Variants in RHOT1 observed in about 807,000 individuals in gnomAD.
RHOT1 encodes mitochondrial Rho GTPase 1.
A neutral mutation model predicts 95.3 loss-of-function variants in RHOT1; 27 were observed. The ratio of observed to expected loss-of-function variants is 0.28; its 90% CI spans 0.21 to 0.39. RHOT1 has a LOEUF of 0.39. Among genes scored for constraint, RHOT1 ranks in the 10% least tolerant of loss-of-function variants. RHOT1 has a pLI of 1.00. For missense variants in RHOT1, 578 were observed against 786.7 expected (o/e 0.73, Z 3.17); for synonymous variants, 227 against 263.5 (o/e 0.86, Z 1.34).
chr17:32,142,830 C>T, intron 1 of RHOT1, 101 bp downstream of exon 1: 3 of 1,011,134 alleles, frequency 3.0e-6, no homozygotes, highest in Non-Finnish European at 4.4e-6. Flanking sequence ...TTTGCAGCCC[C>T]GGCCCTTCTC....
At chr17:32,197,038 G>A (rs535614681) in intron 11 of RHOT1, among the ~76,000 whole-genome samples, 13 of 151,316 alleles carry the variant, frequency 8.6e-5, no homozygotes, top group South Asian at 8.4e-4. Flanking sequence ...CAGGAGAATC[G>A]CTTGAACCTG....
chr17:32,163,404 T>A (rs115039359), intron 1 of RHOT1, among the ~76,000 whole-genome samples: 1,854 of 152,328 alleles, frequency 0.012, 33 homozygotes, highest in African/African-American at 0.042. Flanking sequence ...GGTACATTTT[T>A]AAAATTTTTC....
At chr17:32,194,219 C>T in intron 11 of RHOT1, 112 bp downstream of exon 11, 2 of 1,058,392 alleles carry the variant, frequency 1.9e-6, no homozygotes, top group South Asian at 3.1e-5. Context: ...GATCCTCCCA[C>T]CTTGGCCTCC....
At chr17:32,173,532 G>T (rs2034743552) in intron 2 of RHOT1, among the ~76,000 whole-genome samples, 1 of 152,006 alleles carries the variant, frequency 6.6e-6, no homozygotes, top group African/African-American at 2.4e-5. Context: ...GGCCAAGATG[G>T]TGAAATCGTG....
chr17:32,212,888 A>T (rs926133068), intron 19 of RHOT1, among the ~76,000 whole-genome samples: 1 of 152,102 alleles, frequency 6.6e-6, no homozygotes, highest in African/African-American at 2.4e-5. Context: ...TAGTGAACTT[A>T]TCATTCCTGG....
Position 32,194,088 on chromosome 17 carries a change from C to T in RHOT1, c.850C>T (p.Pro284Ser), listed in dbSNP as rs1333696049. The change falls in exon 11 of 20, where the codon CCT becomes TCT. Residue 284 changes from proline to serine, a missense_variant. Around this residue, in one of 4 missense-constraint regions of RHOT1, gnomAD observed 227 missense variants for 316.0 expected, o/e 0.72. Coordinates refer to ENST00000545287, the MANE Select transcript of RHOT1 (RefSeq NM_001033566.3). ...TTATGATGATGACCTGGATTTGACA[C>T]CTGAATATTTGTTCCCCCTGTATGT... ...FGYDDDLDLT[P>S]EYLFPLLKIP... 4 of 1,613,978 alleles carry T rather than the reference C, an allele frequency of 2.5e-6. No homozygotes were observed. The highest frequency in any genetic ancestry group is 3.4e-6 in the Non-Finnish European group (4 of 1,179,964).
At chr17:32,206,224 A>C (rs1322024625) in intron 16 of RHOT1, among the ~76,000 whole-genome samples, 1 of 23,018 alleles carries the variant, frequency 4.3e-5, no homozygotes, top group African/African-American at 2.1e-4. Flanking sequence ...TTTTTTTTTG[A>C]GACAAGGTTT....
In RHOT1 at chr17:32,171,117, T is replaced by G; in HGVS notation, c.96+16T>G. On this transcript the variant is annotated intron_variant, in intron 2 of 19. Transcript: ENST00000545287. Reference sequence around the variant, plus strand: ...TCCAGAAGAGGTAAACATTTTGATTTCCATATTTAAATTTTAAAAAATTTA... The same window carrying G: ...TCCAGAAGAGGTAAACATTTTGATTGCCATATTTAAATTTTAAAAAATTTA... 2.0e-6 allele frequency: 3 copies of G among 1,534,904 alleles called. No individual in the cohort carries two copies. Among genetic ancestry groups the G allele is most frequent in the Non-Finnish European group, 2.7e-6 (3 of 1,121,854 alleles).
intron 19 of RHOT1, 90 bp downstream of exon 19, chr17:32,211,328 C>A: frequency 8.3e-7 from 1 of 1,208,782 alleles, no homozygotes; most frequent in Non-Finnish European, 1.1e-6. Flanking sequence ...ATACTCACTA[C>A]AAAGACAAGC....
rs116395218 is a variant in RHOT1, at chr17:32,211,142, C to T, written c.1766C>T (p.Thr589Ile). Residue 589 changes from threonine (T) to isoleucine (I), a missense_variant, in exon 19 of 20, where the codon ACC (threonine) becomes ATC (isoleucine). This residue lies in a region of RHOT1 where 296 missense variants were observed against 338.5 expected (regional missense o/e 0.87). Coordinates refer to ENST00000545287, the MANE Select transcript of RHOT1 (RefSeq NM_001033566.3). The part of the protein sequence containing the change: ...YPHARLRCMC[T>I]CNRCTFCICQ... ...CATGCCCGGTTACGCTGTATGTGCA[C>T]CTGCAACAGGTGTACATTTTGCATC... The T allele has an allele frequency of 5.8e-5, 94 of 1,610,434 alleles. No homozygotes were observed. The highest frequency in any genetic ancestry group is 7.0e-5 in the Non-Finnish European group (82 of 1,177,358).
intron 1 of RHOT1, among the ~76,000 whole-genome samples, chr17:32,148,081 C>T (rs1387417191): frequency 6.6e-5 from 10 of 152,196 alleles, no homozygotes; most frequent in Middle Eastern, 3.4e-3. Flanking sequence ...CTGGCTAACA[C>T]GGTGAAACCT....
intron 13 of RHOT1, among the ~76,000 whole-genome samples, chr17:32,200,734 A>T: frequency 6.6e-6 from 1 of 151,670 alleles, no homozygotes; most frequent in Admixed American, 6.6e-5. Context: ...TGTTTGTGCC[A>T]TTGCACTCTA....
chr17:32,174,716 C>T (rs1419209287), intron 3 of RHOT1, among the ~76,000 whole-genome samples: 2 of 152,104 alleles, frequency 1.3e-5, no homozygotes, highest in African/African-American at 4.8e-5. Flanking sequence ...AATCAGTATG[C>T]CAGTAATTGC....
intron 11 of RHOT1, among the ~76,000 whole-genome samples, chr17:32,195,104 C>T (rs558482490): frequency 4.6e-5 from 7 of 151,430 alleles, no homozygotes; most frequent in Non-Finnish European, 8.8e-5. Context: ...GGATTACAGG[C>T]GTGAGCCACT....
rs749941986 is a variant in RHOT1, at chr17:32,208,161, C to T, written c.1591C>T (p.Leu531=). The change falls in exon 18 of 20, where the codon CTG becomes TTG. Residue 531 remains leucine, a synonymous_variant. Coordinates refer to ENST00000545287, the MANE Select transcript of RHOT1 (RefSeq NM_001033566.3). ...CTTAATCGTAGCTGCAAAGTCAGAC[C>T]TGCATGAAGTTAAACAAGAATACAG... ...PCLIVAAKSD[L]HEVKQEYSIS... is the part of the protein sequence containing the mutation. 1 of 1,614,096 alleles carries T rather than the reference C, an allele frequency of 6.2e-7. No homozygotes were observed. The highest frequency in any genetic ancestry group is 1.7e-5 in the Admixed American group (1 of 60,020).
Position 32,225,075 on chromosome 17 carries a change from T to C in RHOT1, c.*342T>C. The C allele has an allele frequency of 6.1e-6, 1 of 164,458 alleles. No individual in the cohort carries two copies. The allele number at this position is 164,458 out of a possible 1,614,324, so 10.2% of individuals were successfully genotyped here. ...CTAAGTGGTATTGTTAGTGCTCACT[T>C]GGCTCACTCTTCTAGGTTTAAGTTA... On this transcript the variant is annotated 3_prime_UTR_variant, in exon 20 of 20. Transcript: ENST00000545287.
intron 19 of RHOT1, among the ~76,000 whole-genome samples, chr17:32,212,747 G>T (rs2038214629): frequency 3.3e-5 from 5 of 151,596 alleles, no homozygotes; most frequent in Admixed American, 1.3e-4. Context: ...AACAACATAC[G>T]ACTATCCTAC....
chr17:32,170,276 G>C (rs144277725), intron 1 of RHOT1, among the ~76,000 whole-genome samples: 1 of 152,008 alleles, frequency 6.6e-6, no homozygotes, highest in South Asian at 2.1e-4. Context: ...TTAGCTGGAC[G>C]TGGTGACACA....
At position 32,168,864 on chromosome 17, in the gene RHOT1, AT is replaced by A. The variant is rs1335401346; in HGVS notation, c.38-2178del. Among the ~76,000 whole-genome samples, 3 of 152,102 alleles carry A rather than the reference AT, an allele frequency of 2.0e-5. No homozygotes were observed. In the East Asian group the frequency reaches 5.8e-4, roughly 29 times the overall value. ...ACTGTCTCTGGATCCCAGATTCTTT[AT>A]CTGAAAATTTTCTGGGGAGCTGAAT... On this transcript the variant is annotated intron_variant, in intron 1 of 19. Coordinates refer to ENST00000545287, the MANE Select transcript of RHOT1 (RefSeq NM_001033566.3).
Sources: allele counts gnomAD v4.1 joint callset (sites outside exome capture counted in the v4.1 genomes callset), GRCh38; gene constraint gnomAD v4.1.1; regional missense constraint gnomAD v4.1.1; transcripts MANE v1.5; gene names NCBI Gene and HGNC (gene_info 2026-07-23, HGNC 2026-07-21).